DNAJC11: variants seen among roughly 807,000 people sequenced by gnomAD.
DNAJC11 encodes dnaJ homolog subfamily C member 11.
In DNAJC11, 15 loss-of-function variants were observed where a neutral mutation model predicts 78.6. The observed-to-expected ratio is 0.19, with a 90% confidence interval of 0.13 to 0.29. The LOEUF (loss-of-function observed/expected upper bound fraction) is 0.29, where lower values mean the gene tolerates loss of function less well. Ranked by LOEUF, DNAJC11 falls within the 10% of genes least tolerant of loss-of-function variation. DNAJC11 has a pLI of 1.00. For synonymous variants in DNAJC11, 292 were observed against 272.1 expected (o/e 1.07, Z -0.72); for missense variants, 547 against 709.6 (o/e 0.77, Z 2.60).
Position 6,645,519 on chromosome 1 carries a change from G to A in DNAJC11, c.894+270C>T, listed in dbSNP as rs1229042950. Reference sequence around the variant, plus strand: ...GCTTCATCTGCCCGCCCCCAATTCCGTGGGTGGCTCCCACCAGACATTAAG... The same window carrying A: ...GCTTCATCTGCCCGCCCCCAATTCCATGGGTGGCTCCCACCAGACATTAAG... On this transcript the variant is annotated intron_variant, in intron 8 of 15. Coordinates refer to ENST00000377577, the MANE Select transcript of DNAJC11 (RefSeq NM_018198.4). The surrounding 1 kb of genome is among the most constrained non-coding windows in gnomAD (Gnocchi z 4.1). Among the ~76,000 whole-genome samples the A allele has an allele frequency of 2.0e-5, 3 of 152,166 alleles. No individual in the cohort carries two copies. Among genetic ancestry groups the A allele is most frequent in the East Asian group, 1.9e-4 (1 of 5,178 alleles).
chr1:6,680,990 G>C lies in DNAJC11; in HGVS notation c.120C>G (p.Leu40=). Residue 40 remains leucine, a synonymous_variant, in exon 2 of 16, where the codon CTC becomes CTG. Transcript: ENST00000377577. The surrounding 1 kb of genome is among the most constrained non-coding windows in gnomAD (Gnocchi z 4.0). The stretch of plus-strand genomic sequence containing the variant: ...GGTCTCTGTGCTTGTCTGGATGGTA[G>C]AGCATACAGAGCCTCCGGTAGGCAG... The part of the protein sequence containing the change: ...LKAAYRRLCM[L]YHPDKHRDPE... 2 of 1,614,018 alleles carry C rather than the reference G, an allele frequency of 1.2e-6. No homozygotes were observed. The highest frequency in any genetic ancestry group is 1.7e-4 in the Middle Eastern group (1 of 6,058).
Position 6,646,067 on chromosome 1 carries a change from T to G in DNAJC11, c.705-89A>C. 4 of 1,379,174 alleles carry G rather than the reference T, an allele frequency of 2.9e-6. No individual in the cohort carries two copies. The East Asian group carries it at 9.3e-5, about 32-fold the overall frequency. The allele number at this position is 1,379,174 out of a possible 1,614,324, so 85.4% of individuals were successfully genotyped here. A position where few individuals can be genotyped will look rare whatever the true frequency, so the allele number is the denominator to read the frequency against. On this transcript the variant is annotated intron_variant, in intron 7 of 15. Coordinates refer to ENST00000377577, the MANE Select transcript of DNAJC11 (RefSeq NM_018198.4). ...CCTCTCTGCCTGGCTAAGACCTCAC[T>G]TACTGTCACGTCTATGCATCCCTGG...
Position 6,696,743 on chromosome 1 carries a change from A to G in DNAJC11, c.72+4986T>C, listed in dbSNP as rs185659409. On this transcript the variant is annotated intron_variant, in intron 1 of 15. Transcript: ENST00000377577. ...TCAGAACACTGACCTCCATATATGGACTGCAAGAAAAAAACTATTTATTAA... is the reference window on the plus strand; with the variant it reads ...TCAGAACACTGACCTCCATATATGGGCTGCAAGAAAAAAACTATTTATTAA... Among the ~76,000 whole-genome samples, 118 of 152,314 alleles carry G rather than the reference A, an allele frequency of 7.7e-4. 1 individual carries two copies. Among genetic ancestry groups the G allele is most frequent in the African/African-American group, 2.6e-3 (110 of 41,564 alleles).
chr1:6,644,453 A>C, intron 10 of DNAJC11, 105 bp downstream of exon 10: 1 of 897,516 alleles, frequency 1.1e-6, no homozygotes, highest in Non-Finnish European at 1.8e-6. Context: ...TGTCTTTAAG[A>C]ACAAAATTAC....
chr1:6,681,564 T>C (rs574091085), intron 1 of DNAJC11, among the ~76,000 whole-genome samples: 3 of 152,138 alleles, frequency 2.0e-5, no homozygotes, highest in African/African-American at 7.2e-5. Flanking sequence ...CAGAAATGCT[T>C]CCCTAACCTG....
chr1:6,677,774 T>C (rs529871427), intron 3 of DNAJC11, among the ~76,000 whole-genome samples: 1 of 152,382 alleles, frequency 6.6e-6, no homozygotes, highest in Admixed American at 6.5e-5. Flanking sequence ...GTCTGGATTT[T>C]AGTGACTGCT....
In DNAJC11 at chr1:6,634,615, G is replaced by T. The variant is rs778348115; in HGVS notation, c.*1060C>A. 1 of 1,366,434 alleles carries T rather than the reference G, an allele frequency of 7.3e-7. No individual in the cohort carries two copies. Among genetic ancestry groups the T allele is most frequent in the Admixed American group, 1.9e-5 (1 of 52,556 alleles). 84.6% of individuals were successfully genotyped at this position (1,366,434 alleles called of 1,614,324 possible). On this transcript the variant is annotated 3_prime_UTR_variant, in exon 16 of 16. Coordinates refer to ENST00000377577, the MANE Select transcript of DNAJC11 (RefSeq NM_018198.4). ...CCAGGCCCCGAGAGACAGGCCTCAC[G>T]TAACTTTACTGCAGCCGAGGTCCAG...
intron 4 of DNAJC11, among the ~76,000 whole-genome samples, chr1:6,666,640 G>T (rs1324650177): frequency 1.3e-5 from 2 of 152,106 alleles, no homozygotes; most frequent in Non-Finnish European, 2.9e-5. Flanking sequence ...GACCTCAGGT[G>T]ATCTGCCCGC....
intron 3 of DNAJC11, among the ~76,000 whole-genome samples, chr1:6,674,864 C>T (rs1371856544): frequency 6.6e-6 from 1 of 152,158 alleles, no homozygotes. Context: ...AAAGGCGTCT[C>T]AGACACTCAG....
At chr1:6,636,458 C>A (rs1463656705) in intron 14 of DNAJC11, among the ~76,000 whole-genome samples, 1 of 152,178 alleles carries the variant, frequency 6.6e-6, no homozygotes, top group East Asian at 1.9e-4. Flanking sequence ...GACAGGGCCA[C>A]CAGATGACTT....
At chr1:6,698,227 AG>A (rs1453501597) in intron 1 of DNAJC11, among the ~76,000 whole-genome samples, 1 of 151,782 alleles carries the variant, frequency 6.6e-6, no homozygotes, top group Admixed American at 6.5e-5. Context: ...TTGAAGTATC[AG>A]TGGGAACAGG....
intron 7 of DNAJC11, among the ~76,000 whole-genome samples, chr1:6,648,445 C>T (rs1033175927): frequency 2.6e-5 from 4 of 152,144 alleles, no homozygotes; most frequent in Non-Finnish European, 5.9e-5. Context: ...CATGAGCCAC[C>T]GCACCTGACC....
chr1:6,644,539 A>T lies in DNAJC11; in HGVS notation c.1097+19T>A, dbSNP rs770536336. On this transcript the variant is annotated intron_variant, in intron 10 of 15. Transcript: ENST00000377577. Reference sequence around the variant, plus strand: ...GGTGACAGGCATTCCTTGACCCGAAAGGCCTAAGTTCAACTTACTTGACTT... The same window carrying T: ...GGTGACAGGCATTCCTTGACCCGAATGGCCTAAGTTCAACTTACTTGACTT... 54 of 1,562,924 alleles carry T rather than the reference A, an allele frequency of 3.5e-5. No homozygotes were observed. The East Asian group carries it at 1.2e-3, about 34-fold the overall frequency.
At chr1:6,674,124 C>T (rs184361961) in intron 3 of DNAJC11, among the ~76,000 whole-genome samples, 7 of 152,288 alleles carry the variant, frequency 4.6e-5, no homozygotes, top group Admixed American at 4.6e-4. Flanking sequence ...TGACCAATTT[C>T]ATTTTCAATG....
chr1:6,687,269 T>G (rs1305088666), intron 1 of DNAJC11, among the ~76,000 whole-genome samples: 1 of 150,216 alleles, frequency 6.7e-6, no homozygotes, highest in Non-Finnish European at 1.5e-5. Context: ...ACCACTTAAC[T>G]GGACTTGGTA....
At chr1:6,644,016 A>T (rs554214383) in intron 10 of DNAJC11, among the ~76,000 whole-genome samples, 2 of 150,994 alleles carry the variant, frequency 1.3e-5, no homozygotes, top group Admixed American at 1.3e-4. Context: ...GACTACAGGC[A>T]CCCGCCACCA....
intron 10 of DNAJC11, among the ~76,000 whole-genome samples, chr1:6,641,354 G>T: frequency 6.9e-6 from 1 of 144,734 alleles, no homozygotes. Flanking sequence ...CCAGTCTGGG[G>T]TGCAAGAGCG....
rs1316096384 is a variant in DNAJC11 at position 6,680,836 on chromosome 1, T to C, written c.202+72A>G. On this transcript the variant is annotated intron_variant, in intron 2 of 15. Transcript: ENST00000377577. The surrounding 1 kb of genome is among the most constrained non-coding windows in gnomAD (Gnocchi z 4.0). ...CTAAGGACTCTCTTTTTCTATCCTC[T>C]ACAAATCGCACCTCCTAAAAATCGA... 6 of 1,579,014 alleles carry C rather than the reference T, an allele frequency of 3.8e-6. No homozygotes were observed. The highest frequency in any genetic ancestry group is 5.2e-6 in the Non-Finnish European group (6 of 1,157,036).
chr1:6,656,871 G>A (rs937279809), intron 4 of DNAJC11, among the ~76,000 whole-genome samples: 2 of 152,088 alleles, frequency 1.3e-5, no homozygotes, highest in Non-Finnish European at 2.9e-5. Flanking sequence ...AGCTGTGACT[G>A]TATCACTGCA....
Sources: allele counts gnomAD v4.1 joint callset (sites outside exome capture counted in the v4.1 genomes callset), GRCh38; gene constraint gnomAD v4.1.1; non-coding constraint Gnocchi (gnomAD v3.1); transcripts MANE v1.5; gene names NCBI Gene and HGNC (gene_info 2026-07-23, HGNC 2026-07-21).